ATP6V1H: variants seen among roughly 807,000 people sequenced by gnomAD.
The protein encoded by ATP6V1H is V-type proton ATPase subunit H.
ATP6V1H carries 39 observed loss-of-function variants against 71.7 expected under a neutral mutation model. The observed-to-expected ratio is 0.54, with a 90% CI of 0.42 to 0.71. The LOEUF (loss-of-function observed/expected upper bound fraction) is 0.71, where lower values mean the gene tolerates loss of function less well. Ranked by LOEUF, ATP6V1H falls within the 30% of genes least tolerant of loss-of-function variation. The pLI is 0.00. For synonymous variants in ATP6V1H, 192 were observed against 199.3 expected, an observed-to-expected ratio of 0.96 and a Z score of 0.31; for missense variants, 509 against 594.9, an observed-to-expected ratio of 0.86 and a Z score of 1.50.
At position 53,769,653 on chromosome 8, in the gene ATP6V1H, A is replaced by G. The variant is rs2130311388; in HGVS notation, c.1140T>C (p.Ala380=). 6.2e-7 allele frequency: 1 copy of G among 1,613,304 alleles called. No individual in the cohort carries two copies. The highest frequency in any genetic ancestry group is 1.1e-5 in the South Asian group (1 of 91,022). ...HKSEKFWREN[A]VRLNEKNYEL... ...CATAATTCTTCTCATTTAACCTCAC[A>G]GCATTCTCTCTCCAAAATTTCTCAG... Residue 380 remains alanine (A), a synonymous_variant, in exon 11 of 14, where the codon GCT becomes GCC. Coordinates refer to ENST00000359530, the MANE Select transcript of ATP6V1H (RefSeq NM_015941.4).
Position 53,788,777 on chromosome 8 carries a change from T to C in ATP6V1H, c.870+6870A>G, listed in dbSNP as rs1809465558. Reference sequence around the variant, plus strand: ...TCTTGTCTATCCTTCTACTGCGCCATTATGAAACAGTTACACTACTCTATT... The same window carrying C: ...TCTTGTCTATCCTTCTACTGCGCCACTATGAAACAGTTACACTACTCTATT... On this transcript the variant is annotated intron_variant, in intron 9 of 13. Coordinates refer to ENST00000359530, the MANE Select transcript of ATP6V1H (RefSeq NM_015941.4). 2.6e-5 allele frequency among the ~76,000 whole-genome samples: 4 copies of C among 152,196 alleles called. No individual in the cohort carries two copies. The South Asian group carries it at 8.3e-4, about 31-fold the overall frequency.
intron 12 of ATP6V1H, among the ~76,000 whole-genome samples, chr8:53,746,628 G>C (rs1807612778): frequency 6.6e-6 from 1 of 152,110 alleles, no homozygotes; most frequent in African/African-American, 2.4e-5. Flanking sequence ...CCAGAGCCCA[G>C]TGGGTCTCAT....
intron 12 of ATP6V1H, among the ~76,000 whole-genome samples, chr8:53,754,253 A>T (rs1807911964): frequency 1.3e-5 from 2 of 152,206 alleles, no homozygotes; most frequent in African/African-American, 2.4e-5. Context: ...AAGGCATGAG[A>T]AATGTCTTCC....
At chr8:53,796,785 T>C (rs966860544) in intron 8 of ATP6V1H, among the ~76,000 whole-genome samples, 19 of 152,210 alleles carry the variant, frequency 1.2e-4, no homozygotes, top group Non-Finnish European at 2.2e-4. Context: ...GAGGATGTAA[T>C]GGAAACTCTC....
At chr8:53,807,060 A>G (rs1367231865) in intron 7 of ATP6V1H, among the ~76,000 whole-genome samples, 1 of 152,212 alleles carries the variant, frequency 6.6e-6, no homozygotes, top group Non-Finnish European at 1.5e-5. Context: ...CAATTTAATA[A>G]CAGGCCTGCA....
chr8:53,744,014 TTATCAG>T (rs1439135669), intron 12 of ATP6V1H, among the ~76,000 whole-genome samples: 2 of 152,220 alleles, frequency 1.3e-5, no homozygotes, highest in Non-Finnish European at 2.9e-5. Context: ...AACGTTTTTA[TTATCAG>T]TATTTCTTGC....
intron 13 of ATP6V1H, among the ~76,000 whole-genome samples, chr8:53,726,763 A>G (rs1053530686): frequency 2.0e-5 from 3 of 152,138 alleles, no homozygotes; most frequent in African/African-American, 7.2e-5. Flanking sequence ...TCCCTCCATC[A>G]TCTGAAATAG....
At chr8:53,772,228 C>T (rs1005883643) in intron 9 of ATP6V1H, 61 bp from the exon 10 acceptor site, 7 of 1,315,050 alleles carry the variant, frequency 5.3e-6, no homozygotes, top group South Asian at 1.4e-5. Context: ...GATTCAGAGA[C>T]CTCTGCACAT....
intron 12 of ATP6V1H, among the ~76,000 whole-genome samples, chr8:53,751,726 G>A (rs1236650396): frequency 6.6e-6 from 1 of 150,978 alleles, no homozygotes; most frequent in African/African-American, 2.4e-5. Flanking sequence ...TTAGAGTACA[G>A]TCGCGCAGCC....
intron 12 of ATP6V1H, among the ~76,000 whole-genome samples, chr8:53,752,380 G>T (rs532503868): frequency 1.2e-3 from 183 of 152,286 alleles, no homozygotes; most frequent in Non-Finnish European, 2.3e-3. Context: ...AGTGTCTGAT[G>T]AAGTGCTGAG....
chr8:53,755,336 T>C (rs1807967235), intron 12 of ATP6V1H, among the ~76,000 whole-genome samples: 1 of 151,972 alleles, frequency 6.6e-6, no homozygotes, highest in Non-Finnish European at 1.5e-5. Context: ...CATCCCTTAA[T>C]TGTATCCAGG....
At chr8:53,766,790 T>C (rs958756566) in intron 11 of ATP6V1H, among the ~76,000 whole-genome samples, 1 of 152,150 alleles carries the variant, frequency 6.6e-6, no homozygotes, top group African/African-American at 2.4e-5. Flanking sequence ...ATAAATTTGG[T>C]CAGACCGGTT....
intron 2 of ATP6V1H, among the ~76,000 whole-genome samples, chr8:53,834,342 G>C (rs530992007): frequency 1.3e-5 from 2 of 152,318 alleles, no homozygotes; most frequent in African/African-American, 4.8e-5. Flanking sequence ...CTGTATATTA[G>C]AACATGGGTA....
At chr8:53,765,997 C>G (rs1439943108) in intron 11 of ATP6V1H, among the ~76,000 whole-genome samples, 1 of 152,148 alleles carries the variant, frequency 6.6e-6, no homozygotes, top group Non-Finnish European at 1.5e-5. Context: ...CAAATATAGT[C>G]AACTGATCTT....
intron 13 of ATP6V1H, among the ~76,000 whole-genome samples, chr8:53,724,526 T>A (rs968222491): frequency 4.6e-5 from 7 of 151,482 alleles, no homozygotes; most frequent in African/African-American, 1.7e-4. Context: ...AAGATGGAAG[T>A]GTTGAGAGGC....
At chr8:53,812,705 T>G (rs571510564) in intron 6 of ATP6V1H, among the ~76,000 whole-genome samples, 6 of 152,190 alleles carry the variant, frequency 3.9e-5, no homozygotes, top group Non-Finnish European at 7.3e-5. Context: ...GTTTTTTTTG[T>G]TTTTTGAGAC....
At chr8:53,723,963 A>G (rs1806715694) in intron 13 of ATP6V1H, among the ~76,000 whole-genome samples, 1 of 152,170 alleles carries the variant, frequency 6.6e-6, no homozygotes, top group South Asian at 2.1e-4. Context: ...TCTGTCAAAA[A>G]CCAGTTTTTA....
At chr8:53,827,601 A>ATTTTTTGTGTGTTTTG (rs1176221375) in intron 4 of ATP6V1H, among the ~76,000 whole-genome samples, 1 of 152,056 alleles carries the variant, frequency 6.6e-6, no homozygotes, top group African/African-American at 2.4e-5. Context: ...TTTTGTGTGT[A>ATTTTTTGTGTGTTTTG]TGTGTTTTTT....
At chr8:53,738,585 T>G (rs1170298856) in intron 13 of ATP6V1H, among the ~76,000 whole-genome samples, 3 of 152,224 alleles carry the variant, frequency 2.0e-5, no homozygotes, top group African/African-American at 7.2e-5. Context: ...TCCCCACACT[T>G]AGTCATGTGC....
Sources: gnomAD v4.1 joint callset for allele counts (sites outside exome capture counted in the v4.1 genomes callset) on GRCh38, gnomAD v4.1.1 for gene constraint, MANE v1.5 for transcripts, NCBI Gene and HGNC (gene_info 2026-07-23, HGNC 2026-07-21) for gene names.